The following PCDH15 variants were observed in gnomAD, a reference collection of about 807,000 sequenced individuals.
PCDH15 encodes protocadherin-15.
Under a neutral mutation model 178.5 loss-of-function variants are expected in PCDH15, and 129 were observed. That is an observed-to-expected ratio of 0.72 (90% confidence interval 0.63 to 0.84). The LOEUF (loss-of-function observed/expected upper bound fraction) is 0.84. Among genes scored for constraint, PCDH15 ranks in the 40% least tolerant of loss-of-function variants. The pLI is 0.00. For missense variants in PCDH15, 2,230 were observed against 2,099.9 expected, an observed-to-expected ratio of 1.06 and a Z score of -1.21; for synonymous variants, 800 against 732.0, an observed-to-expected ratio of 1.09 and a Z score of -1.50.
chr10:54,905,360 A>G (rs1276379266), intron 2 of PCDH15, among the ~76,000 whole-genome samples: 2 of 152,130 alleles, frequency 1.3e-5, no homozygotes, highest in African/African-American at 4.8e-5. Flanking sequence ...TATTTCGCTG[A>G]AATGTATAAA....
chr10:55,084,632 G>A (rs1453775373), intron 2 of PCDH15, among the ~76,000 whole-genome samples: 2 of 151,638 alleles, frequency 1.3e-5, no homozygotes, highest in Admixed American at 6.6e-5. Flanking sequence ...GCAAAATGAA[G>A]AGACAACCCA....
At chr10:53,865,860 C>G (rs979384052) in intron 27 of PCDH15, among the ~76,000 whole-genome samples, 1 of 152,118 alleles carries the variant, frequency 6.6e-6, no homozygotes, top group Admixed American at 6.5e-5. Context: ...ACAACTTATT[C>G]TTGATCTGTT....
At chr10:55,544,472 C>A (rs1841835724) in intron 2 of PCDH15, among the ~76,000 whole-genome samples, 2 of 151,932 alleles carry the variant, frequency 1.3e-5, no homozygotes, top group African/African-American at 2.4e-5. Context: ...TCTCCAAAAT[C>A]TTCTCTAATA....
At chr10:55,624,123 T>C (rs1258795639) in intron 2 of PCDH15, among the ~76,000 whole-genome samples, 1 of 152,042 alleles carries the variant, frequency 6.6e-6, no homozygotes, top group African/African-American at 2.4e-5. Context: ...TCTGTCACTA[T>C]GTGTCAATCT....
intron 3 of PCDH15, among the ~76,000 whole-genome samples, chr10:54,850,233 G>A (rs1050046195): frequency 4.6e-5 from 7 of 152,078 alleles, no homozygotes; most frequent in African/African-American, 9.6e-5. Flanking sequence ...ATCAATACTC[G>A]ATTTGTGAAA....
At chr10:54,316,495 AG>A (rs2061274805) in intron 8 of PCDH15, among the ~76,000 whole-genome samples, 1 of 151,872 alleles carries the variant, frequency 6.6e-6, no homozygotes, top group Non-Finnish European at 1.5e-5. Context: ...GTTAAATCCT[AG>A]ACCACGGAAT....
chr10:54,853,667 T>A, intron 3 of PCDH15, among the ~76,000 whole-genome samples: 1 of 151,922 alleles, frequency 6.6e-6, no homozygotes, highest in East Asian at 1.9e-4. Flanking sequence ...AAAATTGTTT[T>A]TAAATGCATT....
intron 2 of PCDH15, among the ~76,000 whole-genome samples, chr10:55,059,668 G>C (rs1841384010): frequency 6.6e-6 from 1 of 152,018 alleles, no homozygotes; most frequent in Non-Finnish European, 1.5e-5. Context: ...AAATTTTCTT[G>C]CTTATAATTC....
At position 54,421,699 on chromosome 10, in the gene PCDH15, C is replaced by T. The variant is rs866719295; in HGVS notation, c.158-42757G>A. Among the ~76,000 whole-genome samples the T allele has an allele frequency of 5.7e-3, 620 of 108,252 alleles. 29 individuals carry two copies. Among genetic ancestry groups the T allele is most frequent in the African/African-American group, 0.021 (564 of 27,486 alleles). The allele number at this position is 108,252 out of a possible 152,430, so 71.0% of individuals were successfully genotyped here. ...ATATATATATATATATATATACACA[C>T]ACACACACACACTATATATATTTTT... On this transcript the variant is annotated intron_variant, in intron 3 of 37. Transcript: ENST00000644397.
chr10:55,131,453 G>T (rs111591092), intron 2 of PCDH15, among the ~76,000 whole-genome samples: 5 of 152,164 alleles, frequency 3.3e-5, no homozygotes, highest in Admixed American at 2.6e-4. Context: ...CACCCACAAC[G>T]TGGTGAGTGG....
intron 2 of PCDH15, among the ~76,000 whole-genome samples, chr10:55,506,820 A>AT (rs925370789): frequency 1.6e-4 from 24 of 151,598 alleles, no homozygotes; most frequent in Middle Eastern, 3.4e-3. Context: ...TTCATAATAC[A>AT]TTTTTTAACC....
intron 2 of PCDH15, among the ~76,000 whole-genome samples, chr10:55,018,765 T>G (rs1332440280): frequency 6.6e-6 from 1 of 152,142 alleles, no homozygotes. Context: ...TAAATATCTT[T>G]TGTTTTTCAA....
chr10:54,229,887 C>T (rs2053871953), intron 9 of PCDH15, among the ~76,000 whole-genome samples: 1 of 152,122 alleles, frequency 6.6e-6, no homozygotes, highest in Admixed American at 6.5e-5. Context: ...ACTTTATGAA[C>T]CCTCTCATCT....
At chr10:55,226,755 C>T (rs1306166643) in intron 1 of PCDH15, among the ~76,000 whole-genome samples, 1 of 151,906 alleles carries the variant, frequency 6.6e-6, no homozygotes, top group African/African-American at 2.4e-5. Context: ...TACAAAATAA[C>T]TACAATAATA....
At chr10:54,421,633 G>T (rs1955326802) in intron 3 of PCDH15, among the ~76,000 whole-genome samples, 1 of 136,968 alleles carries the variant, frequency 7.3e-6, no homozygotes, top group Non-Finnish European at 1.6e-5. Context: ...TTGTGTTAGG[G>T]CCTACATTTA....
At chr10:53,858,799 T>G (rs907550166) in intron 27 of PCDH15, among the ~76,000 whole-genome samples, 1 of 152,170 alleles carries the variant, frequency 6.6e-6, no homozygotes, top group Admixed American at 6.6e-5. Context: ...GCTACTTCAC[T>G]AGCGAACTAG....
At chr10:54,995,634 C>CG (rs374129959) in intron 2 of PCDH15, among the ~76,000 whole-genome samples, 54 of 151,150 alleles carry the variant, frequency 3.6e-4, no homozygotes, top group African/African-American at 1.2e-3. Context: ...AACCCTCCCC[C>CG]CCACGCCCCA....
At chr10:54,493,283 G>C (rs930159652) in intron 3 of PCDH15, among the ~76,000 whole-genome samples, 1 of 151,508 alleles carries the variant, frequency 6.6e-6, no homozygotes, top group East Asian at 2.0e-4. Context: ...GGATAAGAGG[G>C]GACTAATGTA....
At chr10:55,614,271 G>A (rs560290969) in intron 2 of PCDH15, among the ~76,000 whole-genome samples, 48 of 152,146 alleles carry the variant, frequency 3.2e-4, no homozygotes, top group Admixed American at 2.3e-3. Flanking sequence ...AGAGATGTTC[G>A]TTTTCTTATA....
Sources: gnomAD v4.1 joint callset for allele counts (sites outside exome capture counted in the v4.1 genomes callset) on GRCh38, gnomAD v4.1.1 for gene constraint, MANE v1.5 for transcripts, NCBI Gene and HGNC (gene_info 2026-07-23, HGNC 2026-07-21) for gene names.